TAFA5: variants seen among roughly 807,000 people sequenced by gnomAD.
TAFA5 encodes the protein chemokine-like protein TAFA-5.
In TAFA5, 6 loss-of-function variants were observed where a neutral mutation model predicts 15.3. The ratio of observed to expected loss-of-function variants is 0.39; its 90% CI spans 0.21 to 0.77. The LOEUF is 0.77. Ranked by LOEUF, TAFA5 falls within the 30% of genes least tolerant of loss-of-function variation. The pLI is 0.41. For synonymous variants in TAFA5, 103 were observed against 80.7 expected (o/e 1.28, Z -1.48); for missense variants, 161 against 193.1 (o/e 0.83, Z 0.98).
rs1328765399 is a variant in TAFA5 at position 48,540,305 on chromosome 22, G to A, written c.112+50601G>A. On this transcript the variant is annotated intron_variant, in intron 1 of 3. Transcript: ENST00000402357. ...TGCTCCCCAGGACCAGGGCGGTGGGGGGAGGTGGATCCCCTGGGTGGAAGC... is the reference window on the plus strand; with the variant it reads ...TGCTCCCCAGGACCAGGGCGGTGGGAGGAGGTGGATCCCCTGGGTGGAAGC... 1.3e-5 allele frequency among the ~76,000 whole-genome samples: 2 copies of A among 152,172 alleles called. 1 individual carries two copies. Among genetic ancestry groups the A allele is most frequent in the East Asian group, 3.9e-4 (2 of 5,188 alleles).
At chr22:48,537,770 C>T (rs74710088) in intron 1 of TAFA5, among the ~76,000 whole-genome samples, 3,996 of 152,352 alleles carry the variant, frequency 0.026, 267 homozygotes, top group East Asian at 0.23. Context: ...GAAGGCCCCA[C>T]GGTGTCCCCA....
intron 2 of TAFA5, among the ~76,000 whole-genome samples, chr22:48,675,430 C>T (rs1002927917): frequency 2.6e-5 from 4 of 152,236 alleles, no homozygotes; most frequent in African/African-American, 9.6e-5. Flanking sequence ...GGCATCTCTG[C>T]TGCCCTCAGC....
chr22:48,545,700 C>A (rs781438458), intron 1 of TAFA5: 44 of 152,372 alleles, frequency 2.9e-4, no homozygotes, highest in Non-Finnish European at 5.4e-4. Context: ...GACAGCTGGG[C>A]AGGTCCCTTG....
intron 1 of TAFA5, among the ~76,000 whole-genome samples, chr22:48,556,866 C>T (rs1189629978): frequency 6.6e-6 from 1 of 152,202 alleles, no homozygotes; most frequent in African/African-American, 2.4e-5. Flanking sequence ...TGTCCAGCTC[C>T]GGGGATGCAG....
chr22:48,576,039 A>ACACCC (rs1569031167), intron 1 of TAFA5, among the ~76,000 whole-genome samples: 1 of 31,436 alleles, frequency 3.2e-5, no homozygotes, highest in Non-Finnish European at 5.1e-5. Context: ...GCCGCGCCGG[A>ACACCC]CCCCCCCCCC....
chr22:48,713,559 A>T (rs1425868987), intron 3 of TAFA5, among the ~76,000 whole-genome samples: 4 of 152,212 alleles, frequency 2.6e-5, no homozygotes, highest in Non-Finnish European at 5.9e-5. Context: ...CCGATGGATG[A>T]TTCACGCCAC....
intron 3 of TAFA5, among the ~76,000 whole-genome samples, chr22:48,727,607 G>C (rs753392310): frequency 1.3e-5 from 2 of 152,180 alleles, no homozygotes; most frequent in Non-Finnish European, 2.9e-5. Context: ...GTCACTATCA[G>C]TGAAGACAAT....
intron 3 of TAFA5, among the ~76,000 whole-genome samples, chr22:48,724,366 TG>T (rs1224153290): frequency 6.6e-6 from 1 of 152,060 alleles, no homozygotes; most frequent in African/African-American, 2.4e-5. Flanking sequence ...ATTGGATGAG[TG>T]GGGGATTGCA....
At chr22:48,645,468 T>G (rs530276823) in intron 1 of TAFA5, among the ~76,000 whole-genome samples, 1 of 152,166 alleles carries the variant, frequency 6.6e-6, no homozygotes, top group South Asian at 2.1e-4. Context: ...TCCTTGGAAT[T>G]TAGGGGATGC....
chr22:48,675,078 A>G (rs562964021), intron 2 of TAFA5, among the ~76,000 whole-genome samples: 3 of 151,774 alleles, frequency 2.0e-5, no homozygotes, highest in Non-Finnish European at 4.4e-5. Flanking sequence ...AGTAGCTGGG[A>G]TTACAGGTGC....
At position 48,750,016 on chromosome 22, in the gene TAFA5, CG is replaced by C; in HGVS notation, c.*171del. 3 of 688,232 alleles carry C rather than the reference CG, an allele frequency of 4.4e-6. No homozygotes were observed. The highest frequency in any genetic ancestry group is 7.5e-6 in the Non-Finnish European group (3 of 402,444). 42.6% of individuals were successfully genotyped at this position (688,232 alleles called of 1,614,324 possible). A position where few individuals can be genotyped will look rare whatever the true frequency, so the allele number is the denominator to read the frequency against. On this transcript the variant is annotated 3_prime_UTR_variant, in exon 4 of 4. Coordinates refer to ENST00000402357, the MANE Select transcript of TAFA5 (RefSeq NM_001082967.3). ...CCTCAGGCCTTGGCATCCTGAGCTT[CG>C]GTCTGTCCAGCCGACCCGAGGAGGC...
chr22:48,494,863 A>T (rs1019636643), intron 1 of TAFA5, among the ~76,000 whole-genome samples: 24 of 152,210 alleles, frequency 1.6e-4, no homozygotes, highest in African/African-American at 5.8e-4. Flanking sequence ...ACCCCGGCGA[A>T]TGTGGTAGAG....
chr22:48,687,125 T>C (rs1224506405), intron 2 of TAFA5, among the ~76,000 whole-genome samples: 2 of 150,788 alleles, frequency 1.3e-5, no homozygotes, highest in East Asian at 2.0e-4. Context: ...TTTGAATGGA[T>C]AGGTGGATAG....
chr22:48,599,701 C>T (rs984037065), intron 1 of TAFA5, among the ~76,000 whole-genome samples: 7 of 152,262 alleles, frequency 4.6e-5, no homozygotes, highest in African/African-American at 1.7e-4. Flanking sequence ...TGGCCAGCCA[C>T]ACAGAGACGT....
At position 48,490,974 on chromosome 22, in the gene TAFA5, C is replaced by G. The variant is rs1202729672; in HGVS notation, c.112+1270C>G. 2.0e-5 allele frequency among the ~76,000 whole-genome samples: 3 copies of G among 152,128 alleles called. No individual in the cohort carries two copies. The highest frequency in any genetic ancestry group is 2.9e-5 in the Non-Finnish European group (2 of 68,022). On this transcript the variant is annotated intron_variant, in intron 1 of 3. Transcript: ENST00000402357. The surrounding 1 kb of genome is among the most constrained non-coding windows in gnomAD (Gnocchi z 5.8). ...GGGACAGCCCAGCTCGCCAGGATCG[C>G]AAGGGAAACCCGGGGACCAGAGCAG... is the stretch of plus-strand genomic sequence containing the variant.
chr22:48,591,783 G>T (rs1031771930), intron 1 of TAFA5, among the ~76,000 whole-genome samples: 15 of 152,154 alleles, frequency 9.9e-5, no homozygotes, highest in Admixed American at 3.9e-4. Flanking sequence ...TGGTGGCGTG[G>T]CAGAGGGAGG....
rs146935836 is a variant in TAFA5, at chr22:48,674,380, G to A, written c.262+27634G>A. 3.1e-3 allele frequency among the ~76,000 whole-genome samples: 475 copies of A among 152,302 alleles called. 5 individuals are homozygous for A. Among genetic ancestry groups the A allele is most frequent in the African/African-American group, 0.011 (446 of 41,558 alleles). On this transcript the variant is annotated intron_variant, in intron 2 of 3. Transcript: ENST00000402357. ...TGGCACCCGTCCATGCCTGTCCATG[G>A]TTTGGCTGTGTGGACTGTTGTGTTC...
At chr22:48,650,812 C>T (rs1927028065) in intron 2 of TAFA5, among the ~76,000 whole-genome samples, 4 of 136,764 alleles carry the variant, frequency 2.9e-5, no homozygotes, top group African/African-American at 1.0e-4. Context: ...CTCCCCTCCC[C>T]CAGGGCTGCC....
At chr22:48,539,518 G>A (rs1922285953) in intron 1 of TAFA5, 1 of 468,354 alleles carries the variant, frequency 2.1e-6, no homozygotes, top group Non-Finnish European at 4.4e-6. Flanking sequence ...GACGGGTGCA[G>A]TTTGTCACTG....
Sources: allele counts gnomAD v4.1 joint callset (sites outside exome capture counted in the v4.1 genomes callset), GRCh38; gene constraint gnomAD v4.1.1; non-coding constraint Gnocchi (gnomAD v3.1); transcripts MANE v1.5; gene names NCBI Gene and HGNC (gene_info 2026-07-23, HGNC 2026-07-21).